The following SLC35F5 variants were observed in gnomAD, a reference collection of about 807,000 sequenced individuals.
SLC35F5 encodes the protein solute carrier family 35 member F5, also known as HCV NS5A-transactivated protein 3.
In SLC35F5, 54 loss-of-function variants were observed where a neutral mutation model predicts 68.6. That is an observed-to-expected ratio of 0.79 (90% confidence interval 0.63 to 0.99). The LOEUF (loss-of-function observed/expected upper bound fraction) is 0.99. Ranked by LOEUF, SLC35F5 falls within the 50% of genes least tolerant of loss-of-function variation. SLC35F5 has a pLI of 0.00. For synonymous variants in SLC35F5, 211 were observed against 205.2 expected (o/e 1.03, Z -0.24); for missense variants, 567 against 626.9 (o/e 0.90, Z 1.02).
intron 6 of SLC35F5, among the ~76,000 whole-genome samples, 193 bp from the exon 7 acceptor site, chr2:113,743,072 AT>A (rs1312884014): frequency 6.6e-6 from 1 of 152,242 alleles, no homozygotes; most frequent in Admixed American, 6.5e-5. Context: ...AAATGATTTC[AT>A]CTACAAAAAT....
rs546202221 is a variant in SLC35F5 at position 113,708,431 on chromosome 2, G to A, written c.*6787C>T. ...TAAATAAAATACTGGATAGCTGGGC[G>A]CAGTGGCTCACACCCGTAATCCCAG... On this transcript the variant is annotated 3_prime_UTR_variant, in exon 16 of 16. Coordinates refer to ENST00000245680, the MANE Select transcript of SLC35F5 (RefSeq NM_025181.5). Among the ~76,000 whole-genome samples the A allele has an allele frequency of 1.8e-4, 28 of 152,246 alleles. No homozygotes were observed. The highest frequency in any genetic ancestry group is 3.3e-4 in the Admixed American group (5 of 15,286).
intron 3 of SLC35F5, among the ~76,000 whole-genome samples, chr2:113,752,934 C>A (rs1055243652): frequency 6.6e-6 from 1 of 151,902 alleles, no homozygotes; most frequent in Non-Finnish European, 1.5e-5. Flanking sequence ...GGAAAGAAAT[C>A]GTGGGTGAAA....
At chr2:113,717,536 T>A (rs1049229522) in intron 15 of SLC35F5, 3 of 366,736 alleles carry the variant, frequency 8.2e-6, no homozygotes. Context: ...TGTAATCCCA[T>A]TTCACAAATA....
rs1268449934 is a variant in SLC35F5 at position 113,718,928 on chromosome 2, A to AGGAAGG, written c.1496+225_1496+226insCCTTCC. Among the ~76,000 whole-genome samples the AGGAAGG allele has an allele frequency of 1.3e-3, 56 of 42,502 alleles. 1 individual carries two copies. Among genetic ancestry groups the AGGAAGG allele is most frequent in the African/African-American group, 3.7e-3 (53 of 14,452 alleles). The allele number at this position is 42,502 out of a possible 152,430, so 27.9% of individuals were successfully genotyped here. ...AAGAAAGAAAGAAAGAAAGAAAGAA[A>AGGAAGG]AAGAAAGGAAGAAAGGAAGGAAGGA... On this transcript the variant is annotated intron_variant, in intron 14 of 15. Coordinates refer to ENST00000245680, the MANE Select transcript of SLC35F5 (RefSeq NM_025181.5).
rs764177194 is a variant in SLC35F5, at chr2:113,746,310, A to T, written c.447T>A (p.Ala149=). 1 of 1,613,498 alleles carries T rather than the reference A, an allele frequency of 6.2e-7. No homozygotes were observed. Among genetic ancestry groups the T allele is most frequent in the Non-Finnish European group, 8.5e-7 (1 of 1,179,790 alleles). The change falls in exon 5 of 16, where the codon GCT becomes GCA. Residue 149 remains alanine, a synonymous_variant. Transcript: ENST00000245680. ...TATTCATAGTTGTATCTGTTGTGCA[A>T]GCAGCAAAGTAACCTTCAGCATCTG... ...FFADAEGYFA[A]CTTDTTMNSS...
At chr2:113,748,647 A>T (rs768339600) in intron 4 of SLC35F5, among the ~76,000 whole-genome samples, 7 of 152,220 alleles carry the variant, frequency 4.6e-5, no homozygotes, top group Non-Finnish European at 1.0e-4. Flanking sequence ...TTATCCCTAC[A>T]TGTGATATTA....
chr2:113,749,327 C>T (rs2104480224), intron 4 of SLC35F5, among the ~76,000 whole-genome samples: 1 of 152,324 alleles, frequency 6.6e-6, no homozygotes, highest in South Asian at 2.1e-4. Flanking sequence ...TAGTGAGACA[C>T]TGTCTCTACA....
chr2:113,738,909 T>C (rs1229999778), intron 7 of SLC35F5, among the ~76,000 whole-genome samples: 2 of 152,152 alleles, frequency 1.3e-5, no homozygotes, highest in African/African-American at 4.8e-5. Context: ...CAATAATATG[T>C]TGAAATAATA....
At chr2:113,721,014 G>C (rs774878559) in intron 13 of SLC35F5, among the ~76,000 whole-genome samples, 1 of 151,742 alleles carries the variant, frequency 6.6e-6, no homozygotes, top group Non-Finnish European at 1.5e-5. Context: ...AAATATATCT[G>C]AATATCAAAT....
At chr2:113,726,991 C>T (rs1215124113) in intron 11 of SLC35F5, among the ~76,000 whole-genome samples, 1 of 152,180 alleles carries the variant, frequency 6.6e-6, no homozygotes, top group Non-Finnish European at 1.5e-5. Flanking sequence ...GGCTCTGTGT[C>T]CCCACCCAAA....
intron 7 of SLC35F5, among the ~76,000 whole-genome samples, chr2:113,738,360 T>C (rs1172215890): frequency 6.6e-6 from 1 of 152,222 alleles, no homozygotes; most frequent in Non-Finnish European, 1.5e-5. Context: ...TGACATTCTA[T>C]GCCTGGCTTA....
chr2:113,710,988 G>C lies in SLC35F5; in HGVS notation c.*4230C>G, dbSNP rs949620548. ...ATCTAAGTGAAAGTTAATAAAAGTA[G>C]CTCTTCAGAAAGACATCTCATGTAA... On this transcript the variant is annotated 3_prime_UTR_variant, in exon 16 of 16. Coordinates refer to ENST00000245680, the MANE Select transcript of SLC35F5 (RefSeq NM_025181.5). 3.9e-5 allele frequency among the ~76,000 whole-genome samples: 6 copies of C among 152,152 alleles called. No individual in the cohort carries two copies. In the South Asian group the frequency reaches 6.2e-4, roughly 16 times the overall value.
chr2:113,720,008 T>C (rs1418029713), intron 13 of SLC35F5, among the ~76,000 whole-genome samples: 1 of 143,628 alleles, frequency 7.0e-6, no homozygotes, highest in Non-Finnish European at 1.5e-5. Flanking sequence ...GTCAAGAAAA[T>C]AAAAAATATC....
chr2:113,727,445 A>C (rs1158614849), intron 11 of SLC35F5, among the ~76,000 whole-genome samples: 2 of 152,192 alleles, frequency 1.3e-5, no homozygotes, highest in East Asian at 1.9e-4. Flanking sequence ...TGAAACACCA[A>C]AACGTGGCAT....
downstream of SLC35F5, among the ~76,000 whole-genome samples, chr2:113,705,818 T>C (rs927698890): frequency 5.9e-5 from 9 of 152,230 alleles, no homozygotes; most frequent in African/African-American, 2.2e-4. Context: ...CATTCTTATC[T>C]TTTGTCACTG....
downstream of SLC35F5, among the ~76,000 whole-genome samples, chr2:113,704,631 C>T (rs866117849): frequency 8.5e-5 from 13 of 152,100 alleles, no homozygotes; most frequent in Non-Finnish European, 1.8e-4. Flanking sequence ...GCACACCCTC[C>T]GCAGCCGCTG....
At chr2:113,704,836 C>T (rs1574190159), downstream of SLC35F5, among the ~76,000 whole-genome samples, 1 of 152,284 alleles carries the variant, frequency 6.6e-6, no homozygotes, top group Middle Eastern at 3.4e-3. Context: ...CCTCGGCCAG[C>T]CCAGGAAGGG....
In SLC35F5 at chr2:113,713,159, T is replaced by G. The variant is rs1687051645; in HGVS notation, c.*2059A>C. 6.6e-6 allele frequency: 1 copy of G among 152,228 alleles called. No individual in the cohort carries two copies. Among genetic ancestry groups the G allele is most frequent in the Non-Finnish European group, 1.5e-5 (1 of 68,044 alleles). The allele number at this position is 152,228 out of a possible 1,614,324, so 9.4% of individuals were successfully genotyped here. A position where few individuals can be genotyped will look rare whatever the true frequency, so the allele number is the denominator to read the frequency against. On this transcript the variant is annotated 3_prime_UTR_variant, in exon 16 of 16. Coordinates refer to ENST00000245680, the MANE Select transcript of SLC35F5 (RefSeq NM_025181.5). ...GGTGGGCAAGCAAAGCGGCAGTGAT[T>G]CATACTTTCAGTTAACCAATTGAAC...
Position 113,714,278 on chromosome 2 carries a change from C to G in SLC35F5, c.*940G>C, listed in dbSNP as rs1687095435. 1 of 152,042 alleles carries G rather than the reference C, an allele frequency of 6.6e-6. No individual in the cohort carries two copies. Among genetic ancestry groups the G allele is most frequent in the Admixed American group, 6.6e-5 (1 of 15,264 alleles). 9.4% of individuals were successfully genotyped at this position (152,042 alleles called of 1,614,324 possible). ...CTAAAATTATTTAAAGAAGAGACAT[C>G]TAGTTCTAGAGTAATCTGGCACATT... is the stretch of plus-strand genomic sequence containing the variant. On this transcript the variant is annotated 3_prime_UTR_variant, in exon 16 of 16. Coordinates refer to ENST00000245680, the MANE Select transcript of SLC35F5 (RefSeq NM_025181.5).
Sources: allele counts gnomAD v4.1 joint callset (sites outside exome capture counted in the v4.1 genomes callset), GRCh38; gene constraint gnomAD v4.1.1; transcripts MANE v1.5; gene names NCBI Gene and HGNC (gene_info 2026-07-23, HGNC 2026-07-21).